VPS13D: variants seen among roughly 807,000 people sequenced by gnomAD.
VPS13D encodes intermembrane lipid transfer protein VPS13D.
In VPS13D, 187 loss-of-function variants were observed where a neutral mutation model predicts 461.9. The ratio of observed to expected loss-of-function variants is 0.40; its 90% CI spans 0.36 to 0.46. The LOEUF (loss-of-function observed/expected upper bound fraction) is 0.46. VPS13D is among the 20% of genes least tolerant of loss of function. VPS13D has a pLI of 0.60. For synonymous variants in VPS13D, 1,951 were observed against 1,986.3 expected, an observed-to-expected ratio of 0.98 and a Z score of 0.47; for missense variants, 4,711 against 5,364.9, an observed-to-expected ratio of 0.88 and a Z score of 3.81.
chr1:12,363,364 A>G, intron 52 of VPS13D, 117 bp downstream of exon 52: 1 of 1,119,420 alleles, frequency 8.9e-7, no homozygotes, highest in Non-Finnish European at 1.3e-6. Context: ...CAGAGGTCTT[A>G]GAACTTGCAA....
At chr1:12,430,366 T>C (rs1644976554) in intron 65 of VPS13D, among the ~76,000 whole-genome samples, 1 of 152,194 alleles carries the variant, frequency 6.6e-6, no homozygotes, top group Non-Finnish European at 1.5e-5. Flanking sequence ...ACAGGGAGTT[T>C]GTGGAAGAGG....
At chr1:12,363,368 C>A in intron 52 of VPS13D, 121 bp downstream of exon 52, 1 of 1,068,352 alleles carries the variant, frequency 9.4e-7, no homozygotes, top group Non-Finnish European at 1.3e-6. Flanking sequence ...GGTCTTAGAA[C>A]TTGCAAAGTC....
At chr1:12,499,859 A>C in intron 68 of VPS13D, 13 of 985,462 alleles carry the variant, frequency 1.3e-5, no homozygotes, top group Non-Finnish European at 1.6e-5. Context: ...TCACTCTGCA[A>C]GAAAGGAGTT....
intron 35 of VPS13D, among the ~76,000 whole-genome samples, chr1:12,325,093 C>G (rs949359266): frequency 1.3e-5 from 2 of 151,852 alleles, no homozygotes; most frequent in Admixed American, 1.3e-4. Flanking sequence ...TTTTTTCCCC[C>G]TTTTTTAAAA....
rs569693290 is a variant in VPS13D, at chr1:12,316,998, C to T, written c.7149-1074C>T. The stretch of plus-strand genomic sequence containing the variant: ...ACTTCGGAGCAATGGCAACTTGTCC[C>T]CCCACCCCCACCCCAACTCTACCTC... On this transcript the variant is annotated intron_variant, in intron 30 of 69. Coordinates refer to ENST00000620676, the MANE Select transcript of VPS13D (RefSeq NM_015378.4). 1.6e-4 allele frequency among the ~76,000 whole-genome samples: 23 copies of T among 148,346 alleles called. No homozygotes were observed. The South Asian group carries it at 5.1e-3, about 33-fold the overall frequency.
chr1:12,391,242 TC>T (rs1337373706), intron 60 of VPS13D, among the ~76,000 whole-genome samples: 1 of 152,216 alleles, frequency 6.6e-6, no homozygotes, highest in Admixed American at 6.5e-5. Flanking sequence ...TTCGGGGATG[TC>T]CTAGAAAGGG....
intron 29 of VPS13D, 114 bp downstream of exon 29, chr1:12,312,039 T>TATTGATA: frequency 1.2e-6 from 1 of 829,004 alleles, no homozygotes; most frequent in Non-Finnish European, 1.9e-6. Flanking sequence ...TGGAATGTTG[T>TATTGATA]CTGCAGAGTG....
rs978853019 is a variant in VPS13D, at chr1:12,507,284, C to G, written c.13035+191C>G. Reference sequence around the variant, plus strand: ...TCACGGGGCGATGCTGCCCTCCCAGCTGGCCCATGGGTGACCCTGGGAACA... The same window carrying G: ...TCACGGGGCGATGCTGCCCTCCCAGGTGGCCCATGGGTGACCCTGGGAACA... On this transcript the variant is annotated intron_variant, in intron 69 of 69. Coordinates refer to ENST00000620676, the MANE Select transcript of VPS13D (RefSeq NM_015378.4). The surrounding 1 kb of genome is among the most constrained non-coding windows in gnomAD (Gnocchi z 5.3). 9.7e-7 allele frequency: 1 copy of G among 1,031,410 alleles called. No individual in the cohort carries two copies. Among genetic ancestry groups the G allele is most frequent in the Non-Finnish European group, 1.5e-6 (1 of 663,692 alleles). 63.9% of individuals were successfully genotyped at this position (1,031,410 alleles called of 1,614,324 possible).
chr1:12,364,848 GT>G (rs1557735049), intron 52 of VPS13D, among the ~76,000 whole-genome samples: 1 of 152,142 alleles, frequency 6.6e-6, no homozygotes, highest in African/African-American at 2.4e-5. Flanking sequence ...GAATTAGGTT[GT>G]TTTTGAATTG....
Position 12,416,692 on chromosome 1 carries a change from A to G in VPS13D, c.12198A>G (p.Gly4066=). The change falls in exon 65 of 70, where the codon GGA becomes GGG. Residue 4066 remains glycine (G), a synonymous_variant. Transcript: ENST00000620676. ...ELLSQAARIL[G]SVDFLGNPMG... ...TCAGCCAGGCAGCTCGAATCCTGGG[A>G]TCAGTGGATTTTCTTGGCAATCCTA... 1 of 1,614,052 alleles carries G rather than the reference A, an allele frequency of 6.2e-7. No homozygotes were observed. The highest frequency in any genetic ancestry group is 1.3e-5 in the African/African-American group (1 of 75,022).
chr1:12,500,057 T>C (rs1366764410), intron 68 of VPS13D: 1 of 985,326 alleles, frequency 1.0e-6, no homozygotes, highest in East Asian at 1.1e-4. Flanking sequence ...TTAGGCTCAC[T>C]GTTTCACTTC....
chr1:12,257,093 G>A lies in VPS13D; in HGVS notation c.941+6G>A, dbSNP rs1036056695. ...AAGGTGGCGATATCTAAGAAGTAAG[G>A]GCTTCTCAGTGTGGTCATGAAATTC... On this transcript the variant is annotated splice_donor_region_variant and intron_variant, in intron 9 of 69. Transcript: ENST00000620676. The A allele has an allele frequency of 4.3e-6, 7 of 1,612,080 alleles. No individual in the cohort carries two copies. Among genetic ancestry groups the A allele is most frequent in the African/African-American group, 4.0e-5 (3 of 74,864 alleles).
chr1:12,282,527 G>C (rs953713668), intron 20 of VPS13D, among the ~76,000 whole-genome samples, 178 bp from the exon 21 acceptor site: 1 of 152,168 alleles, frequency 6.6e-6, no homozygotes, highest in African/African-American at 2.4e-5. Flanking sequence ...GGAGGGCCTT[G>C]TGAACAGAAG....
At chr1:12,249,745 A>C (rs2101231984) in intron 6 of VPS13D, 1 of 155,662 alleles carries the variant, frequency 6.4e-6, no homozygotes, top group Middle Eastern at 3.3e-3. Context: ...GTTTTCTTAA[A>C]ACTACTGCTT....
intron 14 of VPS13D, 59 bp from the exon 15 acceptor site, chr1:12,267,786 T>C: frequency 6.7e-7 from 1 of 1,486,824 alleles, no homozygotes; most frequent in Non-Finnish European, 9.4e-7. Context: ...ATGGGTTTGT[T>C]TAGTGAATTG....
chr1:12,237,121 CTG>C (rs964402479), intron 2 of VPS13D, among the ~76,000 whole-genome samples: 1 of 149,762 alleles, frequency 6.7e-6, no homozygotes, highest in African/African-American at 2.5e-5. Context: ...ATATATATAT[CTG>C]TGTGTGTATA....
rs894251894 is a variant in VPS13D at position 12,478,734 on chromosome 1, C to T, written c.12662+18338C>T. On this transcript the variant is annotated intron_variant, in intron 67 of 69. Transcript: ENST00000620676. ...CTGGAGAAGCAAAGCAGTCTGCCTCCCTCCCCCCGGCCAGAAACGGGACAC... is the reference window on the plus strand; with the variant it reads ...CTGGAGAAGCAAAGCAGTCTGCCTCTCTCCCCCCGGCCAGAAACGGGACAC... 7 of 452,766 alleles carry T rather than the reference C, an allele frequency of 1.5e-5. No individual in the cohort carries two copies. The Admixed American group carries it at 1.6e-4, about 11-fold the overall frequency. 28.0% of individuals were successfully genotyped at this position (452,766 alleles called of 1,614,324 possible).
rs1247591533 is a variant in VPS13D at position 12,354,013 on chromosome 1, T to C, written c.9471T>C (p.Tyr3157=). ...TAAAGAAAGAGAATTATCCAGATTA[T>C]ATGCCCTCAAACATATTTTCTGACA... ...VAIKKENYPD[Y]MPSNIFSDSA... The change falls in exon 47 of 70, where the codon TAT becomes TAC. Residue 3157 remains tyrosine (Y), a synonymous_variant. Transcript: ENST00000620676. 1 of 1,614,210 alleles carries C rather than the reference T, an allele frequency of 6.2e-7. No individual in the cohort carries two copies. The highest frequency in any genetic ancestry group is 2.2e-5 in the East Asian group (1 of 44,882).
intron 27 of VPS13D, among the ~76,000 whole-genome samples, chr1:12,310,912 C>CCTCCGTCT (rs1557701454): frequency 8.4e-6 from 1 of 119,268 alleles, no homozygotes; most frequent in African/African-American, 4.4e-5. Context: ...TCCCTCCTTC[C>CCTCCGTCT]CTCCCTCTCT....
Sources: gnomAD v4.1 joint callset for allele counts (sites outside exome capture counted in the v4.1 genomes callset) on GRCh38, gnomAD v4.1.1 for gene constraint, Gnocchi (gnomAD v3.1) non-coding constraint, MANE v1.5 for transcripts, NCBI Gene and HGNC (gene_info 2026-07-23, HGNC 2026-07-21) for gene names.